WDR59: variants seen among roughly 807,000 people sequenced by gnomAD.
WDR59 encodes the protein WD repeat domain 59.
Under a neutral mutation model 131.2 loss-of-function variants are expected in WDR59, and 100 were observed. The ratio of observed to expected loss-of-function variants is 0.76; its 90% CI spans 0.65 to 0.90. WDR59 has a LOEUF of 0.90. Among genes scored for constraint, WDR59 ranks in the 40% least tolerant of loss-of-function variants. The pLI is 0.00. For synonymous variants in WDR59, 601 were observed against 466.2 expected, an observed-to-expected ratio of 1.29 and a Z score of -3.72; for missense variants, 1,203 against 1,262.2, an observed-to-expected ratio of 0.95 and a Z score of 0.71.
chr16:74,912,186 C>T lies in WDR59; in HGVS notation c.1389+12G>A. Reference sequence around the variant, plus strand: ...AGAACAGCAAGGAGAATTTGGGAACCCAGACCCCCACCTTCAGCAGCTTAG... The same window carrying T: ...AGAACAGCAAGGAGAATTTGGGAACTCAGACCCCCACCTTCAGCAGCTTAG... On this transcript the variant is annotated intron_variant, in intron 14 of 25. Coordinates refer to ENST00000262144, the MANE Select transcript of WDR59 (RefSeq NM_030581.4). 6.2e-7 allele frequency: 1 copy of T among 1,614,080 alleles called. No individual in the cohort carries two copies. Among genetic ancestry groups the T allele is most frequent in the Non-Finnish European group, 8.5e-7 (1 of 1,180,002 alleles).
At chr16:74,887,290 A>G (rs908269656) in intron 23 of WDR59, among the ~76,000 whole-genome samples, 21 of 152,086 alleles carry the variant, frequency 1.4e-4, no homozygotes, top group African/African-American at 5.1e-4. Flanking sequence ...TACTCAGCAA[A>G]CAGCTTTATG....
Position 74,893,764 on chromosome 16 carries a change from G to A in WDR59, c.1915C>T (p.Arg639Ter). The change falls in exon 19 of 26, where the codon CGA (arginine) becomes TGA (stop). Residue 639 changes from arginine to a stop codon, truncating the protein, a stop_gained. Transcript: ENST00000262144. LOFTEE classifies it high-confidence loss of function. ...ACTTTCCCAGCAGCCTTGATCTGTC[G>A]ATTGCCAGAGTCTGATCCCTCACGC... Reference protein sequence around the residue: ...SKREGSDSGNRQIKAAGKVII... With the variant: ...SKREGSDSGN 6.2e-7 allele frequency: 1 copy of A among 1,614,150 alleles called. No individual in the cohort carries two copies. The highest frequency in any genetic ancestry group is 2.2e-5 in the East Asian group (1 of 44,886).
intron 20 of WDR59, 111 bp downstream of exon 20, chr16:74,892,373 T>A (rs1965085083): frequency 1.0e-6 from 1 of 961,956 alleles, no homozygotes; most frequent in Non-Finnish European, 1.6e-6. Context: ...GGAAAATGAA[T>A]TCCAAATTAA....
At chr16:74,962,421 G>A (rs1225411071) in intron 2 of WDR59, among the ~76,000 whole-genome samples, 5 of 152,140 alleles carry the variant, frequency 3.3e-5, no homozygotes, top group Non-Finnish European at 7.4e-5. Flanking sequence ...CCATGAGCAT[G>A]GAATGTTTTG....
chr16:74,974,475 C>T (rs1022700473), intron 1 of WDR59, among the ~76,000 whole-genome samples: 1 of 152,156 alleles, frequency 6.6e-6, no homozygotes, highest in Non-Finnish European at 1.5e-5. Context: ...TTAATCCTCA[C>T]AGCTAGTCTA....
intron 18 of WDR59, among the ~76,000 whole-genome samples, chr16:74,900,009 T>C (rs912633156): frequency 2.0e-5 from 3 of 152,078 alleles, no homozygotes; most frequent in African/African-American, 7.2e-5. Flanking sequence ...TAGTCACATT[T>C]CAAGGTATAT....
Position 74,909,619 on chromosome 16 carries a change from G to T in WDR59, c.1524C>A (p.Leu508=), listed in dbSNP as rs774342265. The part of the protein sequence containing the change: ...EDSASSNPFA[L]PNSVTPPLPT... Reference sequence around the variant, plus strand: ...GTAAGGGGGGAGTGACAGAGTTGGGGAGTGCAAACGGGTTGCTGGAAGCGC... The same window carrying T: ...GTAAGGGGGGAGTGACAGAGTTGGGTAGTGCAAACGGGTTGCTGGAAGCGC... Residue 508 remains leucine (L), a synonymous_variant, in exon 16 of 26, where the codon CTC becomes CTA. Coordinates refer to ENST00000262144, the MANE Select transcript of WDR59 (RefSeq NM_030581.4). The T allele has an allele frequency of 5.0e-6, 8 of 1,596,788 alleles. No individual in the cohort carries two copies. Among genetic ancestry groups the T allele is most frequent in the Non-Finnish European group, 6.8e-6 (8 of 1,173,488 alleles).
In WDR59 at chr16:74,886,260, G is replaced by C. The variant is rs150628223; in HGVS notation, c.2546+10C>G. The C allele has an allele frequency of 6.2e-7, 1 of 1,610,568 alleles. No homozygotes were observed. Among genetic ancestry groups the C allele is most frequent in the African/African-American group, 1.3e-5 (1 of 74,702 alleles). On this transcript the variant is annotated intron_variant, in intron 24 of 25. Coordinates refer to ENST00000262144, the MANE Select transcript of WDR59 (RefSeq NM_030581.4). Reference sequence around the variant, plus strand: ...CTGGCATTGCAGCTCTCACCTGGGAGGGTGGTTACCTTTTATTTTTATCAT... The same window carrying C: ...CTGGCATTGCAGCTCTCACCTGGGACGGTGGTTACCTTTTATTTTTATCAT...
intron 23 of WDR59, 150 bp downstream of exon 23, chr16:74,887,533 C>A (rs1398399797): frequency 2.8e-6 from 2 of 719,772 alleles, no homozygotes; most frequent in East Asian, 2.8e-5. Flanking sequence ...CAAAGTCAGG[C>A]CTCCAGCAAG....
chr16:74,886,563 C>T (rs1044821222), intron 23 of WDR59, 167 bp from the exon 24 acceptor site: 29 of 866,378 alleles, frequency 3.3e-5, no homozygotes, highest in Non-Finnish European at 4.8e-5. Context: ...CCTACCCTTG[C>T]CTTTTTGCGC....
intron 13 of WDR59, among the ~76,000 whole-genome samples, chr16:74,913,366 A>G (rs553687577): frequency 6.6e-6 from 1 of 151,814 alleles, no homozygotes; most frequent in South Asian, 2.1e-4. Flanking sequence ...TTCTGGGTTC[A>G]AGTGATTCTC....
chr16:74,954,323 G>A lies in WDR59; in HGVS notation c.240+2152C>T, dbSNP rs1460148242. Among the ~76,000 whole-genome samples the A allele has an allele frequency of 3.3e-5, 5 of 151,958 alleles. No homozygotes were observed. In the East Asian group the frequency reaches 5.8e-4, roughly 18 times the overall value. On this transcript the variant is annotated intron_variant, in intron 3 of 25. Transcript: ENST00000262144. ...CTTGGGAGGCTGAGGCAGGAGAATCGCTTGAACCCAGGAGGTGGAGGTTGT... is the reference window on the plus strand; with the variant it reads ...CTTGGGAGGCTGAGGCAGGAGAATCACTTGAACCCAGGAGGTGGAGGTTGT...
intron 25 of WDR59, among the ~76,000 whole-genome samples, chr16:74,884,444 G>T (rs1964658457): frequency 6.6e-6 from 1 of 152,212 alleles, no homozygotes; most frequent in Non-Finnish European, 1.5e-5. Context: ...TGCCTCCTGG[G>T]TTCAAGCGAT....
At chr16:74,915,635 C>G in intron 13 of WDR59, 1 of 386,550 alleles carries the variant, frequency 2.6e-6, no homozygotes, top group Middle Eastern at 8.0e-4. Context: ...AGGCTGGTCT[C>G]AAACTCCTGG....
rs140713655 is a variant in WDR59 at position 74,953,460 on chromosome 16, G to A, written c.241-1917C>T. Reference sequence around the variant, plus strand: ...TGCACTCCAGCCTGGGCAACAGAACGAGACTCCGTCTCAAAAAAAAAAAAA... The same window carrying A: ...TGCACTCCAGCCTGGGCAACAGAACAAGACTCCGTCTCAAAAAAAAAAAAA... On this transcript the variant is annotated intron_variant, in intron 3 of 25. Transcript: ENST00000262144. Among the ~76,000 whole-genome samples the A allele has an allele frequency of 3.1e-4, 43 of 139,952 alleles. No homozygotes were observed. The East Asian group carries it at 4.0e-3, about 13-fold the overall frequency. 91.8% of individuals were successfully genotyped at this position (139,952 alleles called of 152,430 possible).
chr16:74,880,401 C>A (rs188869096), intron 25 of WDR59, among the ~76,000 whole-genome samples: 1 of 151,982 alleles, frequency 6.6e-6, no homozygotes, highest in Non-Finnish European at 1.5e-5. Context: ...GAGCCGAGAT[C>A]GCGCCACTGC....
intron 1 of WDR59, among the ~76,000 whole-genome samples, chr16:74,972,112 G>A (rs958226015): frequency 3.9e-5 from 6 of 152,170 alleles, no homozygotes; most frequent in African/African-American, 7.2e-5. Flanking sequence ...AAACAGAAGA[G>A]AATGAAGTTC....
Position 74,948,329 on chromosome 16 carries a change from T to C in WDR59, c.445+190A>G, listed in dbSNP as rs2032776843. On this transcript the variant is annotated intron_variant, in intron 6 of 25. Coordinates refer to ENST00000262144, the MANE Select transcript of WDR59 (RefSeq NM_030581.4). ...ACCCAACAGTCCTAACTGTGGCTTC[T>C]GGGAGCAGCCTAAAGTGAGCCCCTT... 2.0e-5 allele frequency among the ~76,000 whole-genome samples: 3 copies of C among 152,232 alleles called. No homozygotes were observed. The South Asian group carries it at 6.2e-4, about 32-fold the overall frequency.
chr16:74,963,806 T>C (rs374184794), intron 2 of WDR59, among the ~76,000 whole-genome samples: 3 of 151,744 alleles, frequency 2.0e-5, no homozygotes, highest in Middle Eastern at 3.2e-3. Context: ...CAGAGGCAGA[T>C]GGATTGCTTG....
Sources: allele counts gnomAD v4.1 joint callset (sites outside exome capture counted in the v4.1 genomes callset), GRCh38; gene constraint gnomAD v4.1.1; transcripts MANE v1.5; gene names NCBI Gene and HGNC (gene_info 2026-07-23, HGNC 2026-07-21).